Variants in PATE4 observed in about 807,000 individuals in gnomAD.
PATE4 encodes prostate and testis expressed 4.
A neutral mutation model predicts 8.5 loss-of-function variants in PATE4; 13 were observed. The ratio of observed to expected loss-of-function variants is 1.53; its 90% confidence interval spans 1.00 to 2.43. The LOEUF (loss-of-function observed/expected upper bound fraction) is 2.43. Among genes scored for constraint, PATE4 ranks in the 30% most tolerant of loss-of-function variants. The pLI, the probability that PATE4 is intolerant of heterozygous loss-of-function variation, is 0.00. For missense variants in PATE4, 127 were observed against 115.5 expected (o/e 1.10, Z -0.46); for synonymous variants, 47 against 39.3 (o/e 1.20, Z -0.73).
intron 1 of PATE4, among the ~76,000 whole-genome samples, chr11:125,837,507 C>T (rs1039737092): frequency 2.0e-5 from 3 of 152,332 alleles, no homozygotes; most frequent in South Asian, 2.1e-4. Flanking sequence ...AAGTCTTTAG[C>T]TAAAGTATTC....
intron 1 of PATE4, among the ~76,000 whole-genome samples, chr11:125,834,513 C>G (rs563423498): frequency 6.6e-6 from 1 of 152,256 alleles, no homozygotes; most frequent in East Asian, 1.9e-4. Flanking sequence ...AGATTGTCAA[C>G]ATCCAGGAGT....
At position 125,838,669 on chromosome 11, in the gene PATE4, C is replaced by T. The variant is rs111664476; in HGVS notation, c.*242C>T. 54 of 400,532 alleles carry T rather than the reference C, an allele frequency of 1.3e-4. No individual in the cohort carries two copies. The highest frequency in any genetic ancestry group is 2.2e-4 in the Non-Finnish European group (50 of 227,622). 24.8% of individuals were successfully genotyped at this position (400,532 alleles called of 1,614,324 possible). A position where few individuals can be genotyped will look rare whatever the true frequency, so the allele number is the denominator to read the frequency against. ...GCTATGCTTATTCTTTTGTCTTCTA[C>T]TCCTGATTTCTGATTTCTATCCCTT... On this transcript the variant is annotated 3_prime_UTR_variant, in exon 3 of 3. Coordinates refer to ENST00000457514, the MANE Select transcript of PATE4 (RefSeq NM_001144874.1).
At chr11:125,834,873 T>C (rs1172988600) in intron 1 of PATE4, 1 of 152,190 alleles carries the variant, frequency 6.6e-6, no homozygotes, top group African/African-American at 2.4e-5. Context: ...AGAGTATGCA[T>C]AGTATACTAC....
At chr11:125,834,011 AT>A (rs1474800978) in intron 1 of PATE4, among the ~76,000 whole-genome samples, 1 of 152,196 alleles carries the variant, frequency 6.6e-6, no homozygotes, top group Non-Finnish European at 1.5e-5. Context: ...AAATTAGTGA[AT>A]GATTCCTATG....
At chr11:125,836,546 C>T (rs79456491) in intron 1 of PATE4, among the ~76,000 whole-genome samples, 1,705 of 152,214 alleles carry the variant, frequency 0.011, 16 homozygotes, top group Non-Finnish European at 0.018. Flanking sequence ...CTTCACTGTG[C>T]CCATACCACA....
At chr11:125,836,464 C>T (rs933395442) in intron 1 of PATE4, among the ~76,000 whole-genome samples, 2 of 152,144 alleles carry the variant, frequency 1.3e-5, no homozygotes, top group African/African-American at 4.8e-5. Flanking sequence ...TTCTGTGCCC[C>T]GGTTACATTA....
rs2134202006 is a variant in PATE4 at position 125,838,911 on chromosome 11, GATGTGATA to G, written c.*488_*495del. On this transcript the variant is annotated 3_prime_UTR_variant, in exon 3 of 3. Coordinates refer to ENST00000457514, the MANE Select transcript of PATE4 (RefSeq NM_001144874.1). ...GATATGACAAAGAAGAGGAAAAGAT[GATGTGATA>G]ATGGAAGCAGAGATTGGAGCCATGT... 1 of 152,712 alleles carries G rather than the reference GATGTGATA, an allele frequency of 6.5e-6. No homozygotes were observed. The highest frequency in any genetic ancestry group is 1.9e-4 in the East Asian group (1 of 5,176). 9.5% of individuals were successfully genotyped at this position (152,712 alleles called of 1,614,324 possible).
chr11:125,837,578 G>T (rs558162667), intron 1 of PATE4, among the ~76,000 whole-genome samples: 6 of 152,250 alleles, frequency 3.9e-5, no homozygotes, highest in Non-Finnish European at 8.8e-5. Context: ...GCATCACAGG[G>T]TTTATCTGGT....
At chr11:125,833,821 C>G (rs564091038) in intron 1 of PATE4, among the ~76,000 whole-genome samples, 6 of 152,298 alleles carry the variant, frequency 3.9e-5, no homozygotes, top group African/African-American at 1.2e-4. Context: ...ACTATCCACT[C>G]AGACCCTCCT....
chr11:125,837,940 T>G lies in PATE4; in HGVS notation c.131T>G (p.Ile44Ser). The G allele has an allele frequency of 6.4e-7, 1 of 1,551,606 alleles. No homozygotes were observed. Among genetic ancestry groups the G allele is most frequent in the Non-Finnish European group, 8.7e-7 (1 of 1,146,930 alleles). ...WKCMAGRGTC[I>S]AKENELCSTT... ...TGTATGGCAGGCCGAGGCACTTGCA[T>G]TGCAAAAGAAAATGAGTTATGTTCA... Residue 44 changes from isoleucine (I) to serine (S), a missense_variant, in exon 2 of 3, where the codon ATT becomes AGT. Transcript: ENST00000457514.
chr11:125,837,784 AT>A, intron 1 of PATE4, 83 bp from the exon 2 acceptor site: 1 of 895,418 alleles, frequency 1.1e-6, no homozygotes, highest in South Asian at 1.6e-5. Context: ...TATCGTCAAT[AT>A]GCAACCTCTT....
In PATE4 at chr11:125,839,698, T is replaced by C. The variant is rs1943946986; in HGVS notation, c.*1271T>C. On this transcript the variant is annotated 3_prime_UTR_variant, in exon 3 of 3. Coordinates refer to ENST00000457514, the MANE Select transcript of PATE4 (RefSeq NM_001144874.1). The stretch of plus-strand genomic sequence containing the variant: ...TAGTGACAGACAAGAGAAGAGAGAT[T>C]GTGCAGGAAAACTCTCCCTTATAAT... 1 of 152,212 alleles carries C rather than the reference T, an allele frequency of 6.6e-6. No homozygotes were observed. Among genetic ancestry groups the C allele is most frequent in the South Asian group, 2.1e-4 (1 of 4,818 alleles). The allele number at this position is 152,212 out of a possible 1,614,324, so 9.4% of individuals were successfully genotyped here.
chr11:125,839,808 G>C lies in PATE4; in HGVS notation c.*1381G>C, dbSNP rs911347162. On this transcript the variant is annotated 3_prime_UTR_variant, in exon 3 of 3. Transcript: ENST00000457514. ...CCCCATGATTCAATTACCTCCCACC[G>C]GTCCCTCCCACAACACGTGGGAATT... 4 of 152,042 alleles carry C rather than the reference G, an allele frequency of 2.6e-5. No individual in the cohort carries two copies. Among genetic ancestry groups the C allele is most frequent in the African/African-American group, 9.7e-5 (4 of 41,382 alleles). The allele number at this position is 152,042 out of a possible 1,614,324, so 9.4% of individuals were successfully genotyped here.
chr11:125,835,399 A>T (rs184133965), intron 1 of PATE4: 4 of 152,310 alleles, frequency 2.6e-5, no homozygotes, highest in Admixed American at 6.5e-5. Context: ...ATGTGCATAC[A>T]TTCCCCTGGA....
At position 125,837,938 on chromosome 11, in the gene PATE4, C is replaced by T. The variant is rs1943932062; in HGVS notation, c.129C>T (p.Cys43=). Residue 43 remains cysteine (C), a synonymous_variant, in exon 2 of 3, where the codon TGC becomes TGT. Coordinates refer to ENST00000457514, the MANE Select transcript of PATE4 (RefSeq NM_001144874.1). ...GWKCMAGRGT[C]IAKENELCST... is the part of the protein sequence containing the mutation. ...AGTGTATGGCAGGCCGAGGCACTTG[C>T]ATTGCAAAAGAAAATGAGTTATGTT... 4 of 1,551,468 alleles carry T rather than the reference C, an allele frequency of 2.6e-6. No individual in the cohort carries two copies. The Admixed American group carries it at 7.8e-5, about 30-fold the overall frequency.
At chr11:125,836,730 GT>G (rs1565434952) in intron 1 of PATE4, among the ~76,000 whole-genome samples, 1 of 152,130 alleles carries the variant, frequency 6.6e-6, no homozygotes, top group Non-Finnish European at 1.5e-5. Context: ...TGGAGGGGTT[GT>G]TTAATGCCTG....
chr11:125,838,074 C>G, intron 2 of PATE4, 90 bp downstream of exon 2: 12 of 1,118,186 alleles, frequency 1.1e-5, no homozygotes, highest in Non-Finnish European at 1.6e-5. Flanking sequence ...TATCATTTAG[C>G]TCTGCTAGGA....
rs1943936397 is a variant in PATE4, at chr11:125,838,409, C to A, written c.279C>A (p.Asn93Lys). The A allele has an allele frequency of 6.5e-6, 10 of 1,549,390 alleles. No individual in the cohort carries two copies. The East Asian group carries it at 1.2e-4, about 19-fold the overall frequency. ...GAGTGACACTGTGCTGTGACAGAAACTTCTGTAATGTCTTCTAATGGAGCT... is the reference window on the plus strand; with the variant it reads ...GAGTGACACTGTGCTGTGACAGAAAATTCTGTAATGTCTTCTAATGGAGCT... The part of the protein sequence containing the change: ...LLRVTLCCDR[N>K]FCNVF The change falls in exon 3 of 3, where the codon AAC becomes AAA. Residue 93 changes from asparagine to lysine, a missense_variant. Asn to Lys is a moderately conservative substitution (Grantham distance 94). Transcript: ENST00000457514.
rs1322993996 is a variant in PATE4 at position 125,833,367 on chromosome 11, A to G, written c.8A>G (p.Lys3Arg). Residue 3 changes from lysine (K) to arginine (R), a missense_variant, in exon 1 of 3, where the codon AAA becomes AGA. Lys to Arg is a conservative substitution (Grantham distance 26, BLOSUM62 2). Transcript: ENST00000457514. MRKMNTLLLVSLS... is the reference protein window; with the variant it reads MRRMNTLLLVSLS... ...CACCCAAACAAGCATCCAATGAGGA[A>G]AATGAACACACTGCTCCTTGTGAGC... The G allele has an allele frequency of 3.5e-5, 54 of 1,551,550 alleles. No homozygotes were observed. The highest frequency in any genetic ancestry group is 4.7e-5 in the Non-Finnish European group (54 of 1,146,894).
Sources: gnomAD v4.1 joint callset for allele counts (sites outside exome capture counted in the v4.1 genomes callset) on GRCh38, gnomAD v4.1.1 for gene constraint, MANE v1.5 for transcripts, NCBI Gene and HGNC (gene_info 2026-07-23, HGNC 2026-07-21) for gene names.